The following EHD1 variants were observed in gnomAD, a reference collection of about 807,000 sequenced individuals.
EHD1 encodes EH domain-containing protein 1.
A neutral mutation model predicts 39.0 loss-of-function variants in EHD1; 19 were observed. That is an observed-to-expected ratio of 0.49 (90% CI 0.34 to 0.72). EHD1 has a LOEUF of 0.72. EHD1 is among the 30% of genes least tolerant of loss of function. The pLI, the probability that EHD1 is intolerant of heterozygous loss-of-function variation, is 0.01. For synonymous variants in EHD1, 323 were observed against 331.2 expected (o/e 0.98, Z 0.27); for missense variants, 542 against 751.5 (o/e 0.72, Z 3.26).
In EHD1 at chr11:64,860,193, C is replaced by T. The variant is rs1592746754; in HGVS notation, c.646G>A (p.Val216Met). 1 of 1,614,198 alleles carries T rather than the reference C, an allele frequency of 6.2e-7. No homozygotes were observed. Among genetic ancestry groups the T allele is most frequent in the Non-Finnish European group, 8.5e-7 (1 of 1,180,052 alleles). ...ALKNHEDKIR[V>M]VLNKADQIET... ...ATCTGGTCTGCCTTGTTCAGCACCA[C>T]GCGGATCTTGTCCTCATGGTTCTTC... The change falls in exon 3 of 5, where the codon GTG becomes ATG. Residue 216 changes from valine (V) to methionine (M), a missense_variant. Coordinates refer to ENST00000320631, the MANE Select transcript of EHD1 (RefSeq NM_006795.4).
chr11:64,861,165 G>A (rs1304301249), intron 2 of EHD1, among the ~76,000 whole-genome samples: 1 of 149,966 alleles, frequency 6.7e-6, no homozygotes, highest in Non-Finnish European at 1.5e-5. Flanking sequence ...CAGCCTGCGT[G>A]ACACAGCGAG....
At chr11:64,860,682 G>A (rs569755928) in intron 2 of EHD1, among the ~76,000 whole-genome samples, 2 of 143,620 alleles carry the variant, frequency 1.4e-5, no homozygotes, top group Admixed American at 7.3e-5. Context: ...CCATGCCACC[G>A]CACTCTAGCC....
intron 3 of EHD1, among the ~76,000 whole-genome samples, chr11:64,858,687 G>A (rs1311212482): frequency 6.6e-6 from 1 of 152,258 alleles, no homozygotes; most frequent in Non-Finnish European, 1.5e-5. Flanking sequence ...TCACGATAGG[G>A]TGCTATCCAA....
rs1020470124 is a variant in EHD1, at chr11:64,859,755, C to T, written c.915+169G>A. On this transcript the variant is annotated intron_variant, in intron 3 of 4. Coordinates refer to ENST00000320631, the MANE Select transcript of EHD1 (RefSeq NM_006795.4). ...GAATCTTAGTTAAGAGCAGGCTGCA[C>T]GCGGGTGCTGACCAAAGACTGGTTT... The T allele has an allele frequency of 3.4e-5, 32 of 954,542 alleles. No individual in the cohort carries two copies. The East Asian group carries it at 7.7e-4, about 23-fold the overall frequency. The allele number at this position is 954,542 out of a possible 1,614,324, so 59.1% of individuals were successfully genotyped here. A position where few individuals can be genotyped will look rare whatever the true frequency, so the allele number is the denominator to read the frequency against.
At chr11:64,864,791 T>C (rs968062613) in intron 2 of EHD1, among the ~76,000 whole-genome samples, 2 of 152,224 alleles carry the variant, frequency 1.3e-5, no homozygotes, top group African/African-American at 4.8e-5. Context: ...CCTGATGGGC[T>C]GTGCTCAGCC....
At chr11:64,875,220 G>C (rs1943872582) in intron 1 of EHD1, among the ~76,000 whole-genome samples, 1 of 152,180 alleles carries the variant, frequency 6.6e-6, no homozygotes, top group African/African-American at 2.4e-5. Context: ...TTGAGAGCAG[G>C]GATCCTTCAC....
At chr11:64,861,290 T>C (rs1392485506) in intron 2 of EHD1, among the ~76,000 whole-genome samples, 1 of 152,008 alleles carries the variant, frequency 6.6e-6, no homozygotes, top group Non-Finnish European at 1.5e-5. Context: ...CCCCAACCCA[T>C]GTAGCACTTG....
Position 64,854,412 on chromosome 11 carries a change from T to C in EHD1, c.1526A>G (p.Lys509Arg). ...EEFALANHLI[K>R]VKLEGHELPA... Reference sequence around the variant, plus strand: ...CAGCTCGTGGCCCTCCAGCTTGACCTTGATGAGGTGGTTGGCCAGCGCGAA... The same window carrying C: ...CAGCTCGTGGCCCTCCAGCTTGACCCTGATGAGGTGGTTGGCCAGCGCGAA... The change falls in exon 5 of 5, where the codon AAG becomes AGG. Residue 509 changes from lysine (K) to arginine (R), a missense_variant. Lys to Arg is a conservative substitution (Grantham distance 26, BLOSUM62 2). Coordinates refer to ENST00000320631, the MANE Select transcript of EHD1 (RefSeq NM_006795.4). 2 of 1,614,014 alleles carry C rather than the reference T, an allele frequency of 1.2e-6. No individual in the cohort carries two copies. Among genetic ancestry groups the C allele is most frequent in the Non-Finnish European group, 1.7e-6 (2 of 1,179,950 alleles).
rs1943593767 is a variant in EHD1, at chr11:64,852,584, C to T, written c.*1749G>A. On this transcript the variant is annotated 3_prime_UTR_variant, in exon 5 of 5. Coordinates refer to ENST00000320631, the MANE Select transcript of EHD1 (RefSeq NM_006795.4). Reference sequence around the variant, plus strand: ...CCCTCTTAGTAGGAGGGGGCAGCTACTGCCCAGCAGAGCAGGACTGGGCAG... The same window carrying T: ...CCCTCTTAGTAGGAGGGGGCAGCTATTGCCCAGCAGAGCAGGACTGGGCAG... The T allele has an allele frequency of 6.6e-6, 1 of 152,446 alleles. No individual in the cohort carries two copies. The highest frequency in any genetic ancestry group is 2.4e-5 in the African/African-American group (1 of 41,448). 9.4% of individuals were successfully genotyped at this position (152,446 alleles called of 1,614,324 possible).
intron 2 of EHD1, among the ~76,000 whole-genome samples, chr11:64,864,388 G>A (rs1407816742): frequency 1.3e-5 from 2 of 152,216 alleles, no homozygotes; most frequent in Admixed American, 1.3e-4. Flanking sequence ...CCGGGCACCC[G>A]GACTCCCTGC....
At position 64,878,344 on chromosome 11, in the gene EHD1, G is replaced by A. The variant is rs1943911070; in HGVS notation, c.121C>T (p.Arg41Cys). The A allele has an allele frequency of 1.9e-6, 3 of 1,614,114 alleles. 1 individual carries two copies. The highest frequency in any genetic ancestry group is 2.2e-5 in the South Asian group (2 of 91,086). Residue 41 changes from arginine to cysteine, a missense_variant, in exon 1 of 5, where the codon CGC becomes TGC. Arg to Cys is a radical substitution (Grantham distance 180, BLOSUM62 -3). Transcript: ENST00000320631. The part of the protein sequence containing the change: ...QKLLPLEEHY[R>C]FHEFHSPALE... The stretch of plus-strand genomic sequence containing the variant: ...GCGGGCGAGTGGAACTCGTGGAAGC[G>A]GTAGTGCTCCTCCAGGGGTAGCAGC...
intron 2 of EHD1, among the ~76,000 whole-genome samples, chr11:64,864,961 A>G (rs1273950231): frequency 6.6e-6 from 1 of 151,972 alleles, no homozygotes; most frequent in Non-Finnish European, 1.5e-5. Context: ...AAGAGTGAGC[A>G]CTCCAAAACT....
Position 64,878,557 on chromosome 11 carries a change from G to GA in EHD1, c.-94dup. On this transcript the variant is annotated 5_prime_UTR_variant, in exon 1 of 5. Coordinates refer to ENST00000320631, the MANE Select transcript of EHD1 (RefSeq NM_006795.4). The stretch of plus-strand genomic sequence containing the variant: ...CCGAGGCGGGGCCGGCCGGGGCAGG[G>GA]AATCGGGAGCGACCCACACTGCGCA... 10 of 1,467,412 alleles carry GA rather than the reference G, an allele frequency of 6.8e-6. No individual in the cohort carries two copies. The highest frequency in any genetic ancestry group is 9.0e-6 in the Non-Finnish European group (10 of 1,113,570). 90.9% of individuals were successfully genotyped at this position (1,467,412 alleles called of 1,614,324 possible).
At chr11:64,877,931 T>C in intron 1 of EHD1, 130 bp downstream of exon 1, 1 of 928,908 alleles carries the variant, frequency 1.1e-6, no homozygotes, top group South Asian at 2.3e-5. Flanking sequence ...GACCAGGGAG[T>C]GGTCACTGAG....
rs1943608072 is a variant in EHD1, at chr11:64,853,628, T to C, written c.*705A>G. On this transcript the variant is annotated 3_prime_UTR_variant, in exon 5 of 5. Transcript: ENST00000320631. ...TGGTCAAGTATGAAAGATATCACTT[T>C]ACAGAACAGAAACTAGCTTATGTAT... The C allele has an allele frequency of 6.5e-6, 1 of 153,174 alleles. No homozygotes were observed. The highest frequency in any genetic ancestry group is 2.4e-5 in the African/African-American group (1 of 41,460). 9.5% of individuals were successfully genotyped at this position (153,174 alleles called of 1,614,324 possible).
chr11:64,868,125 T>G lies in EHD1; in HGVS notation c.502+6296A>C. Among the ~76,000 whole-genome samples the G allele has an allele frequency of 6.6e-6, 1 of 152,212 alleles. No homozygotes were observed. Among genetic ancestry groups the G allele is most frequent in the Non-Finnish European group, 1.5e-5 (1 of 68,036 alleles). ...TCCAGCCGCAGGGGGAAAAGCTGCTTTATACATTCCAAAGATTTCTAGAAC... is the reference window on the plus strand; with the variant it reads ...TCCAGCCGCAGGGGGAAAAGCTGCTGTATACATTCCAAAGATTTCTAGAAC... On this transcript the variant is annotated intron_variant, in intron 2 of 4. Transcript: ENST00000320631. This position sits in a 1 kb window ranked among gnomAD's most constrained non-coding sequence, Gnocchi z 4.2.
chr11:64,878,503 G>A lies in EHD1; in HGVS notation c.-39C>T, dbSNP rs1323376211. ...GGGCTGGCTGCTGCGGGGCAGAGCG[G>A]CGGCTGAGAGCGGGGCGAGGGTGCG... is the stretch of plus-strand genomic sequence containing the variant. On this transcript the variant is annotated 5_prime_UTR_variant, in exon 1 of 5. Coordinates refer to ENST00000320631, the MANE Select transcript of EHD1 (RefSeq NM_006795.4). 1 of 1,550,952 alleles carries A rather than the reference G, an allele frequency of 6.4e-7. No homozygotes were observed. Among genetic ancestry groups the A allele is most frequent in the Non-Finnish European group, 8.7e-7 (1 of 1,151,852 alleles).
intron 2 of EHD1, among the ~76,000 whole-genome samples, chr11:64,863,071 G>A (rs1943731905): frequency 6.6e-6 from 1 of 152,164 alleles, no homozygotes; most frequent in African/African-American, 2.4e-5. Context: ...CACGTCCCTG[G>A]CTCAGTCTTC....
chr11:64,869,517 A>T (rs1943805510), intron 2 of EHD1, among the ~76,000 whole-genome samples: 2 of 152,212 alleles, frequency 1.3e-5, no homozygotes. Flanking sequence ...GAACCAGCTG[A>T]CACTTGAACA....
Sources: allele counts gnomAD v4.1 joint callset (sites outside exome capture counted in the v4.1 genomes callset), GRCh38; gene constraint gnomAD v4.1.1; non-coding constraint Gnocchi (gnomAD v3.1); transcripts MANE v1.5; gene names NCBI Gene and HGNC (gene_info 2026-07-23, HGNC 2026-07-21).